DYM: variants seen among roughly 807,000 people sequenced by gnomAD.
DYM encodes dyggve-Melchior-Clausen syndrome protein.
A neutral mutation model predicts 93.1 loss-of-function variants in DYM; 78 were observed. The ratio of observed to expected loss-of-function variants is 0.84; its 90% CI spans 0.70 to 1.01. The LOEUF (loss-of-function observed/expected upper bound fraction) is 1.01, where lower values mean the gene tolerates loss of function less well. DYM is among the 50% of genes least tolerant of loss of function. The pLI is 0.00. For synonymous variants in DYM, 321 were observed against 319.7 expected (o/e 1.00, Z -0.04); for missense variants, 789 against 845.0 (o/e 0.93, Z 0.82).
chr18:49,327,273 T>C (rs188551134), intron 8 of DYM, among the ~76,000 whole-genome samples: 1 of 152,210 alleles, frequency 6.6e-6, no homozygotes, highest in East Asian at 1.9e-4. Flanking sequence ...AAAAAAAGAT[T>C]GTTGATCATT....
At chr18:49,381,895 T>C (rs1391699820) in intron 3 of DYM, among the ~76,000 whole-genome samples, 1 of 150,256 alleles carries the variant, frequency 6.7e-6, no homozygotes, top group Non-Finnish European at 1.5e-5. Flanking sequence ...CCCAGAGACC[T>C]CAGGGTAAAC....
intron 15 of DYM, among the ~76,000 whole-genome samples, chr18:49,142,043 T>C (rs1157505205): frequency 6.6e-6 from 1 of 151,356 alleles, no homozygotes; most frequent in Non-Finnish European, 1.5e-5. Flanking sequence ...TTTGTATCTT[T>C]AGTAGACAGG....
Position 49,333,954 on chromosome 18 carries a change from A to G in DYM, c.495-101T>C, listed in dbSNP as rs189384833. 1,458 of 1,286,888 alleles carry G rather than the reference A, an allele frequency of 1.1e-3. 5 individuals carry two copies. The highest frequency in any genetic ancestry group is 1.9e-3 in the Middle Eastern group (7 of 3,744). 79.7% of individuals were successfully genotyped at this position (1,286,888 alleles called of 1,614,324 possible). ...TTTAAAAACTCAAATCTAAATATTC[A>G]GTATTTTCAGGTTACTGAAAAATGT... On this transcript the variant is annotated intron_variant, in intron 6 of 17. Coordinates refer to ENST00000675505, the MANE Select transcript of DYM (RefSeq NM_001353214.3).
chr18:49,297,471 A>C (rs580326), intron 8 of DYM, among the ~76,000 whole-genome samples: 89,705 of 152,004 alleles, frequency 0.59, 27,039 homozygotes, highest in Non-Finnish European at 0.66. Flanking sequence ...TGCTGGAATT[A>C]TTTCACCTGA....
intron 6 of DYM, among the ~76,000 whole-genome samples, chr18:49,356,221 T>C (rs1472674839): frequency 7.0e-6 from 1 of 143,208 alleles, no homozygotes; most frequent in Non-Finnish European, 1.6e-5. Context: ...ACTTTATTCC[T>C]ATTTTGCTAT....
chr18:49,299,894 T>G (rs2060796384), intron 8 of DYM, among the ~76,000 whole-genome samples: 1 of 151,166 alleles, frequency 6.6e-6, no homozygotes, highest in Non-Finnish European at 1.5e-5. Flanking sequence ...ATACAAAAAA[T>G]TAGCTGGGCG....
chr18:49,382,654 G>A (rs1376890015), intron 3 of DYM, among the ~76,000 whole-genome samples: 2 of 144,672 alleles, frequency 1.4e-5, no homozygotes, highest in East Asian at 2.1e-4. Context: ...TTCCACCACT[G>A]ACCAGCTGTA....
chr18:49,309,346 C>T (rs982705548), intron 8 of DYM, among the ~76,000 whole-genome samples: 15 of 152,072 alleles, frequency 9.9e-5, no homozygotes, highest in African/African-American at 3.6e-4. Flanking sequence ...TTTTAACTAA[C>T]TTTTCAGGCT....
intron 17 of DYM, among the ~76,000 whole-genome samples, chr18:49,076,342 T>G (rs1468552511): frequency 1.3e-5 from 2 of 152,226 alleles, no homozygotes; most frequent in Non-Finnish European, 2.9e-5. Flanking sequence ...GCTGCAGATA[T>G]TATGCCAAAA....
At chr18:49,384,322 C>CCAAA (rs751035117) in intron 3 of DYM, among the ~76,000 whole-genome samples, 5 of 65,830 alleles carry the variant, frequency 7.6e-5, no homozygotes, top group Non-Finnish European at 1.4e-4. Context: ...ACCATGTCTC[C>CCAAA]AAAAAAAAAA....
chr18:49,056,917 C>T (rs2075544209), intron 17 of DYM, among the ~76,000 whole-genome samples: 1 of 152,198 alleles, frequency 6.6e-6, no homozygotes, highest in South Asian at 2.1e-4. Flanking sequence ...GTCTTGAATT[C>T]TGGGGCTCAA....
chr18:49,437,995 G>A lies in DYM; in HGVS notation c.-53-7548C>T, dbSNP rs529249006. On this transcript the variant is annotated intron_variant, in intron 1 of 17. Coordinates refer to ENST00000675505, the MANE Select transcript of DYM (RefSeq NM_001353214.3). Reference sequence around the variant, plus strand: ...GGATTGCTTGAGCCCAGGAGTACGAGGCCAGCCTGGGCAAGACCCCATCTA... The same window carrying A: ...GGATTGCTTGAGCCCAGGAGTACGAAGCCAGCCTGGGCAAGACCCCATCTA... Among the ~76,000 whole-genome samples, 14 of 151,984 alleles carry A rather than the reference G, an allele frequency of 9.2e-5. No individual in the cohort carries two copies. In the South Asian group the frequency reaches 2.9e-3, roughly 32 times the overall value.
At chr18:49,459,022 G>C (rs561719554) in intron 1 of DYM, among the ~76,000 whole-genome samples, 58 of 152,284 alleles carry the variant, frequency 3.8e-4, no homozygotes, top group African/African-American at 1.3e-3. Flanking sequence ...ATGGGTACAT[G>C]GGAGTACCCT....
At chr18:49,134,282 T>C (rs981376109) in intron 15 of DYM, among the ~76,000 whole-genome samples, 7 of 152,256 alleles carry the variant, frequency 4.6e-5, no homozygotes, top group Non-Finnish European at 8.8e-5. Context: ...TTTATGAAGA[T>C]ATTTCTAGCG....
intron 9 of DYM, among the ~76,000 whole-genome samples, chr18:49,284,372 G>A (rs2095068448): frequency 6.6e-6 from 1 of 152,166 alleles, no homozygotes; most frequent in Non-Finnish European, 1.5e-5. Context: ...TGATGGATAT[G>A]AATACCCTTA....
intron 8 of DYM, among the ~76,000 whole-genome samples, chr18:49,307,579 C>A (rs1273713104): frequency 2.0e-5 from 3 of 152,204 alleles, no homozygotes; most frequent in African/African-American, 7.2e-5. Flanking sequence ...GTACAACTAG[C>A]AGTCACTGCC....
chr18:49,279,862 A>G (rs954371401), intron 10 of DYM, among the ~76,000 whole-genome samples: 1 of 152,152 alleles, frequency 6.6e-6, no homozygotes, highest in Non-Finnish European at 1.5e-5. Context: ...CTTTCACCAC[A>G]CTTTTTGTTC....
At chr18:49,450,750 T>G (rs954455736) in intron 1 of DYM, among the ~76,000 whole-genome samples, 3 of 152,222 alleles carry the variant, frequency 2.0e-5, no homozygotes, top group African/African-American at 7.2e-5. Context: ...TTTCTAAAAT[T>G]CTAATGTCTA....
At chr18:49,103,852 T>G (rs1008671039) in intron 16 of DYM, among the ~76,000 whole-genome samples, 1 of 151,210 alleles carries the variant, frequency 6.6e-6, no homozygotes, top group Non-Finnish European at 1.5e-5. Context: ...GCGTGATGCC[T>G]CCAGCTTTGT....
Sources: gnomAD v4.1 joint callset for allele counts (sites outside exome capture counted in the v4.1 genomes callset) on GRCh38, gnomAD v4.1.1 for gene constraint, MANE v1.5 for transcripts, NCBI Gene and HGNC (gene_info 2026-07-23, HGNC 2026-07-21) for gene names.